Variants in EDAR observed in about 807,000 individuals in gnomAD.
EDAR encodes the protein ectodysplasin A receptor.
EDAR carries 38 observed loss-of-function variants against 51.3 expected under a neutral mutation model. That is an observed-to-expected ratio of 0.74 (90% CI 0.57 to 0.97). EDAR has a LOEUF of 0.97. Ranked by LOEUF, EDAR falls within the 50% of genes least tolerant of loss-of-function variation. EDAR has a pLI of 0.00. For synonymous variants in EDAR, 227 were observed against 242.1 expected, an observed-to-expected ratio of 0.94 and a Z score of 0.58; for missense variants, 528 against 595.0, an observed-to-expected ratio of 0.89 and a Z score of 1.17.
At chr2:108,939,305 G>T (rs1697542738) in intron 1 of EDAR, among the ~76,000 whole-genome samples, 1 of 152,082 alleles carries the variant, frequency 6.6e-6, no homozygotes, top group African/African-American at 2.4e-5. Flanking sequence ...TCCTGCCTCA[G>T]CCTCCGTAGT....
intron 1 of EDAR, among the ~76,000 whole-genome samples, chr2:108,968,182 C>G (rs902595126): frequency 1.3e-5 from 2 of 152,128 alleles, no homozygotes; most frequent in Non-Finnish European, 2.9e-5. Context: ...TGTCTCTTCT[C>G]AAAGTGGGGT....
intron 1 of EDAR, among the ~76,000 whole-genome samples, chr2:108,961,234 G>A (rs543947432): frequency 6.6e-6 from 1 of 151,956 alleles, no homozygotes; most frequent in East Asian, 1.9e-4. Flanking sequence ...AAAGGGTAAA[G>A]AACCAGATTC....
chr2:108,932,639 A>G (rs113348023), intron 1 of EDAR, among the ~76,000 whole-genome samples: 4,537 of 152,098 alleles, frequency 0.03, 141 homozygotes, highest in African/African-American at 0.077. Context: ...CAAAAGACCA[A>G]GGGCCCTGTC....
At position 108,912,428 on chromosome 2, in the gene EDAR, C is replaced by T. The variant is rs74657405; in HGVS notation, c.529+250G>A. Among the ~76,000 whole-genome samples, 35 of 152,290 alleles carry T rather than the reference C, an allele frequency of 2.3e-4. 1 individual carries two copies. The East Asian group carries it at 6.0e-3, about 26-fold the overall frequency. ...GCAGCTGCCTGTGCTGTCCACCTGC[C>T]GCTATGCCCCCGCCTTCACCACCAG... On this transcript the variant is annotated intron_variant, in intron 6 of 11. Transcript: ENST00000258443.
intron 6 of EDAR, among the ~76,000 whole-genome samples, chr2:108,912,355 G>A (rs757698581): frequency 3.9e-5 from 6 of 152,054 alleles, no homozygotes; most frequent in South Asian, 2.1e-4. Context: ...GTTAACTCCC[G>A]GCCAAACCAA....
At chr2:108,927,974 C>T (rs1271952326) in intron 4 of EDAR, among the ~76,000 whole-genome samples, 1 of 152,090 alleles carries the variant, frequency 6.6e-6, no homozygotes, top group Non-Finnish European at 1.5e-5. Flanking sequence ...TCAGATTCTT[C>T]CTCTCCTCCA....
At chr2:108,941,983 G>A (rs987860151) in intron 1 of EDAR, among the ~76,000 whole-genome samples, 2 of 152,238 alleles carry the variant, frequency 1.3e-5, no homozygotes, top group Admixed American at 1.3e-4. Context: ...GGCTGGGGAA[G>A]GTGGCTGCCT....
chr2:108,981,507 C>T (rs938471119), intron 1 of EDAR, among the ~76,000 whole-genome samples: 3 of 152,210 alleles, frequency 2.0e-5, no homozygotes, highest in African/African-American at 7.2e-5. Flanking sequence ...TAGCTCCCAG[C>T]ATCCTGCAGC....
chr2:108,897,513 A>T (rs987865504), intron 11 of EDAR, among the ~76,000 whole-genome samples: 5 of 152,106 alleles, frequency 3.3e-5, no homozygotes, highest in African/African-American at 4.8e-5. Context: ...TTCCCTCATG[A>T]CCATTTTTAG....
At chr2:108,918,049 T>C (rs1401083886) in intron 5 of EDAR, among the ~76,000 whole-genome samples, 1 of 152,080 alleles carries the variant, frequency 6.6e-6, no homozygotes, top group African/African-American at 2.4e-5. Context: ...TCATGTTGAA[T>C]GCACGTGATG....
chr2:108,932,696 T>C (rs114996768), intron 1 of EDAR, among the ~76,000 whole-genome samples: 3,192 of 152,158 alleles, frequency 0.021, 104 homozygotes, highest in African/African-American at 0.073. Flanking sequence ...CCCCCAGGAC[T>C]TAAGGGCTTC....
intron 1 of EDAR, among the ~76,000 whole-genome samples, chr2:108,979,317 C>A (rs1698380627): frequency 1.3e-5 from 2 of 152,136 alleles, no homozygotes; most frequent in South Asian, 4.1e-4. Flanking sequence ...ATTTGGCGAA[C>A]CTCACTCCTC....
intron 1 of EDAR, among the ~76,000 whole-genome samples, chr2:108,980,379 C>T (rs2104472130): frequency 1.3e-5 from 2 of 152,232 alleles, no homozygotes; most frequent in Non-Finnish European, 2.9e-5. Context: ...CACTAATGCT[C>T]TGGTGGGCAC....
intron 1 of EDAR, chr2:108,940,200 GC>G (rs1170662482): frequency 6.6e-6 from 1 of 152,316 alleles, no homozygotes; most frequent in Non-Finnish European, 1.5e-5. Flanking sequence ...AAAGATGACT[GC>G]CATTATTACG....
chr2:108,916,211 T>C (rs1253739369), intron 5 of EDAR, among the ~76,000 whole-genome samples: 1 of 152,146 alleles, frequency 6.6e-6, no homozygotes, highest in African/African-American at 2.4e-5. Flanking sequence ...ATCTGTTCAG[T>C]AAGGCGCTCA....
At chr2:108,987,707 T>C (rs893968721) in intron 1 of EDAR, among the ~76,000 whole-genome samples, 2 of 152,142 alleles carry the variant, frequency 1.3e-5, no homozygotes, top group Non-Finnish European at 2.9e-5. Context: ...AGGGGTACAG[T>C]GGAGACCCCC....
rs1426119091 is a variant in EDAR, at chr2:108,896,200, T to C, written c.*707A>G. The C allele has an allele frequency of 1.3e-5, 2 of 152,328 alleles. No individual in the cohort carries two copies. Among genetic ancestry groups the C allele is most frequent in the African/African-American group, 4.8e-5 (2 of 41,456 alleles). The allele number at this position is 152,328 out of a possible 1,614,324, so 9.4% of individuals were successfully genotyped here. On this transcript the variant is annotated 3_prime_UTR_variant, in exon 12 of 12. Coordinates refer to ENST00000258443, the MANE Select transcript of EDAR (RefSeq NM_022336.4). ...CATATTGGTTTTGTATAGAGTGAGC[T>C]CTTCCATTATTGACTGGAAGGCCTG...
chr2:108,923,792 G>C (rs1429038049), intron 4 of EDAR, among the ~76,000 whole-genome samples: 1 of 152,200 alleles, frequency 6.6e-6, no homozygotes, highest in Non-Finnish European at 1.5e-5. Context: ...GGCCTGCTTA[G>C]CCCCCCAGGG....
intron 1 of EDAR, among the ~76,000 whole-genome samples, chr2:108,958,750 G>T (rs903041560): frequency 6.6e-6 from 1 of 152,180 alleles, no homozygotes; most frequent in Non-Finnish European, 1.5e-5. Context: ...AAGCTCAAGC[G>T]CAAGGCTTCT....
Sources: allele counts gnomAD v4.1 joint callset (sites outside exome capture counted in the v4.1 genomes callset), GRCh38; gene constraint gnomAD v4.1.1; transcripts MANE v1.5; gene names NCBI Gene and HGNC (gene_info 2026-07-23, HGNC 2026-07-21).